The following PTCHD4 variants were observed in gnomAD, a reference collection of about 807,000 sequenced individuals.
The protein encoded by PTCHD4 is patched domain-containing protein 4.
In PTCHD4, 33 loss-of-function variants were observed where a neutral mutation model predicts 58.1. The ratio of observed to expected loss-of-function variants is 0.57; its 90% CI spans 0.43 to 0.76. The LOEUF (loss-of-function observed/expected upper bound fraction) is 0.76. PTCHD4 is among the 30% of genes least tolerant of loss of function. PTCHD4 has a pLI of 0.00. For missense variants in PTCHD4, 1,058 were observed against 1,027.1 expected (o/e 1.03, Z -0.41); for synonymous variants, 478 against 409.6 (o/e 1.17, Z -2.02).
chr6:47,917,094 A>G (rs935096795), intron 4 of PTCHD4, among the ~76,000 whole-genome samples: 1 of 152,058 alleles, frequency 6.6e-6, no homozygotes, highest in Non-Finnish European at 1.5e-5. Context: ...TTTAATTTGT[A>G]TCTTTTTTCC....
rs907362048 is a variant in PTCHD4, at chr6:47,865,721, G to C, written c.*12582C>G. On this transcript the variant is annotated 3_prime_UTR_variant, in exon 5 of 5. Transcript: ENST00000339488. ...CTCCTAACTTAATTCTTTGGTTCAG[G>C]TCTCTCATCTCCAGTCTAACCTACA... Among the ~76,000 whole-genome samples, 3 of 151,640 alleles carry C rather than the reference G, an allele frequency of 2.0e-5. No individual in the cohort carries two copies. Among genetic ancestry groups the C allele is most frequent in the Non-Finnish European group, 2.9e-5 (2 of 67,830 alleles).
intron 1 of PTCHD4, among the ~76,000 whole-genome samples, chr6:48,108,907 GAC>G (rs1489537767): frequency 6.6e-6 from 1 of 151,778 alleles, no homozygotes; most frequent in Non-Finnish European, 1.5e-5. Context: ...TGGGAAAAAA[GAC>G]AATTCACTAA....
At chr6:47,935,277 A>G (rs1394972792) in intron 4 of PTCHD4, among the ~76,000 whole-genome samples, 3 of 152,156 alleles carry the variant, frequency 2.0e-5, no homozygotes, top group Non-Finnish European at 4.4e-5. Context: ...TTCGTATGCT[A>G]CCTCTTAATT....
At chr6:48,088,070 G>T (rs772178709) in intron 1 of PTCHD4, among the ~76,000 whole-genome samples, 2 of 152,092 alleles carry the variant, frequency 1.3e-5, no homozygotes, top group Non-Finnish European at 2.9e-5. Flanking sequence ...TTTTAAGTGG[G>T]CATGCTAGGT....
chr6:48,094,045 A>G (rs1765415652), intron 1 of PTCHD4, among the ~76,000 whole-genome samples: 1 of 152,176 alleles, frequency 6.6e-6, no homozygotes, highest in African/African-American at 2.4e-5. Flanking sequence ...ATGGGAACAC[A>G]TAGAAAAGAG....
At chr6:47,942,802 ATC>A (rs1269647066) in intron 4 of PTCHD4, among the ~76,000 whole-genome samples, 1 of 152,172 alleles carries the variant, frequency 6.6e-6, no homozygotes, top group Non-Finnish European at 1.5e-5. Flanking sequence ...GGAAAAAATA[ATC>A]TCTGTCTTGT....
chr6:47,971,582 T>G (rs893574456), intron 4 of PTCHD4, among the ~76,000 whole-genome samples: 5 of 152,182 alleles, frequency 3.3e-5, no homozygotes, highest in African/African-American at 9.7e-5. Flanking sequence ...TGCCTCCAAA[T>G]TTCAGAAAGA....
chr6:48,044,553 G>A (rs1412289230), intron 3 of PTCHD4, among the ~76,000 whole-genome samples: 2 of 151,762 alleles, frequency 1.3e-5, no homozygotes, highest in Non-Finnish European at 2.9e-5. Flanking sequence ...TTAATATAAA[G>A]TGGGGGTTGG....
chr6:47,982,878 C>T lies in PTCHD4; in HGVS notation c.898+25756G>A, dbSNP rs377521836. Among the ~76,000 whole-genome samples, 172 of 152,278 alleles carry T rather than the reference C, an allele frequency of 1.1e-3. 1 individual carries two copies. The South Asian group carries it at 0.033, about 29-fold the overall frequency. ...AATTTTGAATGAAGTAATGAATTAA[C>T]TTATGAATATAGTACAAGATGACTT... is the stretch of plus-strand genomic sequence containing the variant. On this transcript the variant is annotated intron_variant, in intron 4 of 4. Coordinates refer to ENST00000339488, the MANE Select transcript of PTCHD4 (RefSeq NM_001384253.1).
intron 3 of PTCHD4, among the ~76,000 whole-genome samples, chr6:48,050,543 T>A (rs1035647401): frequency 5.3e-5 from 8 of 152,048 alleles, no homozygotes; most frequent in African/African-American, 1.9e-4. Flanking sequence ...CTTAACTATC[T>A]GTGCCTCAGT....
intron 4 of PTCHD4, among the ~76,000 whole-genome samples, chr6:47,953,166 T>G (rs530658101): frequency 6.6e-6 from 1 of 152,230 alleles, no homozygotes; most frequent in African/African-American, 2.4e-5. Flanking sequence ...ATAATGGATG[T>G]TCTCCTGAGA....
chr6:48,036,541 T>C (rs1377315434), intron 3 of PTCHD4, among the ~76,000 whole-genome samples: 1 of 152,154 alleles, frequency 6.6e-6, no homozygotes, highest in Non-Finnish European at 1.5e-5. Flanking sequence ...GAAACCACAC[T>C]GTAGATGCTT....
intron 3 of PTCHD4, among the ~76,000 whole-genome samples, chr6:48,013,961 T>G (rs944824197): frequency 6.6e-6 from 1 of 152,104 alleles, no homozygotes; most frequent in Non-Finnish European, 1.5e-5. Flanking sequence ...AGTGTCGGTT[T>G]TTAAACAACA....
intron 3 of PTCHD4, among the ~76,000 whole-genome samples, chr6:48,044,567 T>C (rs996588419): frequency 4.6e-5 from 7 of 152,020 alleles, no homozygotes; most frequent in East Asian, 3.9e-4. Flanking sequence ...GGGTTGGCAA[T>C]GTACAGCCCA....
chr6:47,979,004 T>C (rs1767790033), intron 4 of PTCHD4, among the ~76,000 whole-genome samples: 1 of 152,144 alleles, frequency 6.6e-6, no homozygotes, highest in Admixed American at 6.6e-5. Context: ...ATTGAGTTCA[T>C]AGACATAAAA....
chr6:47,983,368 G>C (rs932187485), intron 4 of PTCHD4, among the ~76,000 whole-genome samples: 2 of 151,952 alleles, frequency 1.3e-5, no homozygotes, highest in Non-Finnish European at 2.9e-5. Context: ...CTATGTTTTT[G>C]AATTTCACAA....
rs967415731 is a variant in PTCHD4, at chr6:47,865,597, A to G, written c.*12706T>C. Among the ~76,000 whole-genome samples, 2 of 151,998 alleles carry G rather than the reference A, an allele frequency of 1.3e-5. No homozygotes were observed. The highest frequency in any genetic ancestry group is 2.9e-5 in the Non-Finnish European group (2 of 67,874). Reference sequence around the variant, plus strand: ...TGGGTGTTCAGGCCATCTTACAGATATAAGTTTTGTGAATTGTATTTATTT... The same window carrying G: ...TGGGTGTTCAGGCCATCTTACAGATGTAAGTTTTGTGAATTGTATTTATTT... On this transcript the variant is annotated 3_prime_UTR_variant, in exon 5 of 5. Transcript: ENST00000339488.
In PTCHD4 at chr6:48,009,079, G is replaced by A. The variant is rs372960597; in HGVS notation, c.453C>T (p.Gly151=). ...GRNSFIGHQL[G]GVVEVPNSKD... is the part of the protein sequence containing the mutation. ...TGCTGTTTGGCACTTCCACTACCCC[G>A]CCCAGTTGGTGTCCAATAAAACTGT... Residue 151 remains glycine, a synonymous_variant, in exon 4 of 5, where the codon GGC becomes GGT. Transcript: ENST00000339488. 56 of 1,612,840 alleles carry A rather than the reference G, an allele frequency of 3.5e-5. No individual in the cohort carries two copies. The highest frequency in any genetic ancestry group is 1.7e-4 in the African/African-American group (13 of 74,866).
chr6:47,962,944 G>C (rs1767152321), intron 4 of PTCHD4, among the ~76,000 whole-genome samples: 1 of 151,944 alleles, frequency 6.6e-6, no homozygotes, highest in Admixed American at 6.6e-5. Context: ...TGGATTGCCT[G>C]AGTTCAGGAG....
Sources: allele counts gnomAD v4.1 joint callset (sites outside exome capture counted in the v4.1 genomes callset), GRCh38; gene constraint gnomAD v4.1.1; transcripts MANE v1.5; gene names NCBI Gene and HGNC (gene_info 2026-07-23, HGNC 2026-07-21).